The following BMPR1B variants were observed in gnomAD, a reference collection of about 807,000 sequenced individuals.
BMPR1B encodes the protein bone morphogenetic protein receptor type-1B.
BMPR1B carries 12 observed loss-of-function variants against 59.1 expected under a neutral mutation model. The ratio of observed to expected loss-of-function variants is 0.20; its 90% CI spans 0.13 to 0.33. The LOEUF (loss-of-function observed/expected upper bound fraction) is 0.33, where lower values mean the gene tolerates loss of function less well. Ranked by LOEUF, BMPR1B falls within the 10% of genes least tolerant of loss-of-function variation. BMPR1B has a pLI of 1.00. For synonymous variants in BMPR1B, 237 were observed against 207.3 expected, an observed-to-expected ratio of 1.14 and a Z score of -1.23; for missense variants, 550 against 610.9, an observed-to-expected ratio of 0.90 and a Z score of 1.05.
chr4:94,796,569 G>T (rs191562923), intron 1 of BMPR1B, among the ~76,000 whole-genome samples: 1 of 152,176 alleles, frequency 6.6e-6, no homozygotes, highest in East Asian at 1.9e-4. Flanking sequence ...GTTGAGTCAG[G>T]ATCAGGACTG....
chr4:95,092,334 G>A (rs541828198), intron 3 of BMPR1B, among the ~76,000 whole-genome samples: 6 of 152,044 alleles, frequency 3.9e-5, no homozygotes, highest in African/African-American at 1.2e-4. Flanking sequence ...TTTCTGTGAC[G>A]CACAACAGAT....
At chr4:94,766,897 G>T (rs1245045253) in intron 1 of BMPR1B, among the ~76,000 whole-genome samples, 1 of 151,974 alleles carries the variant, frequency 6.6e-6, no homozygotes, top group Non-Finnish European at 1.5e-5. Flanking sequence ...TCCTTACCAA[G>T]TTCTGTGGCC....
chr4:95,051,958 C>CT (rs1264286323), intron 3 of BMPR1B, among the ~76,000 whole-genome samples: 1 of 152,134 alleles, frequency 6.6e-6, no homozygotes, highest in Non-Finnish European at 1.5e-5. Flanking sequence ...TCTAAGTACT[C>CT]TGTTAGAATA....
At chr4:95,039,035 G>A (rs141748255) in intron 3 of BMPR1B, among the ~76,000 whole-genome samples, 101 of 152,270 alleles carry the variant, frequency 6.6e-4, no homozygotes, top group African/African-American at 2.1e-3. Context: ...CTGACTAACC[G>A]TAATAAGATG....
intron 2 of BMPR1B, among the ~76,000 whole-genome samples, chr4:94,887,579 T>C (rs1240754015): frequency 6.6e-6 from 1 of 151,208 alleles, no homozygotes; most frequent in Non-Finnish European, 1.5e-5. Context: ...ACTTGGTAAA[T>C]AAATACAAGA....
At chr4:94,808,448 A>C (rs1389416435) in intron 1 of BMPR1B, among the ~76,000 whole-genome samples, 3 of 152,138 alleles carry the variant, frequency 2.0e-5, no homozygotes, top group Admixed American at 6.6e-5. Flanking sequence ...ACAGTAAATT[A>C]CTCAGCCACT....
intron 3 of BMPR1B, among the ~76,000 whole-genome samples, chr4:95,019,789 A>G (rs997146166): frequency 2.0e-5 from 3 of 152,164 alleles, no homozygotes; most frequent in African/African-American, 7.2e-5. Context: ...GACTTGGTCC[A>G]TGTTCATTTT....
intron 2 of BMPR1B, among the ~76,000 whole-genome samples, chr4:94,888,830 C>T (rs184711621): frequency 1.1e-4 from 16 of 151,956 alleles, no homozygotes; most frequent in Non-Finnish European, 2.2e-4. Flanking sequence ...GTTAGAAATG[C>T]TATTAATGAT....
chr4:95,064,918 C>A (rs576371253), intron 3 of BMPR1B, among the ~76,000 whole-genome samples: 67 of 152,174 alleles, frequency 4.4e-4, no homozygotes, highest in Non-Finnish European at 8.1e-4. Context: ...TCATCTGTGG[C>A]TCCTGGGAAT....
At chr4:94,833,861 A>G (rs1359418077) in intron 1 of BMPR1B, among the ~76,000 whole-genome samples, 1 of 152,182 alleles carries the variant, frequency 6.6e-6, no homozygotes, top group Non-Finnish European at 1.5e-5. Context: ...TATTACACAT[A>G]TTAGGGTATT....
At chr4:94,827,962 T>C (rs181340066) in intron 1 of BMPR1B, among the ~76,000 whole-genome samples, 19 of 152,320 alleles carry the variant, frequency 1.2e-4, no homozygotes, top group Admixed American at 3.3e-4. Context: ...CAACTCATGC[T>C]AACACAGAGA....
At chr4:94,972,730 A>C (rs892763702) in intron 2 of BMPR1B, among the ~76,000 whole-genome samples, 1 of 152,158 alleles carries the variant, frequency 6.6e-6, no homozygotes, top group Non-Finnish European at 1.5e-5. Context: ...CTCTGGATAT[A>C]ACTGTTTCTG....
intron 3 of BMPR1B, among the ~76,000 whole-genome samples, chr4:95,041,276 C>T (rs904688290): frequency 7.9e-5 from 12 of 152,010 alleles, no homozygotes; most frequent in Admixed American, 2.0e-4. Context: ...CTTGAACTTC[C>T]GGGCTCAAGC....
intron 3 of BMPR1B, among the ~76,000 whole-genome samples, chr4:95,040,774 G>A (rs1725596090): frequency 6.6e-6 from 1 of 152,124 alleles, no homozygotes; most frequent in African/African-American, 2.4e-5. Flanking sequence ...TTCCTTACAA[G>A]CGGGACAAAT....
At chr4:95,099,011 C>T (rs773210725) in intron 3 of BMPR1B, among the ~76,000 whole-genome samples, 4 of 152,150 alleles carry the variant, frequency 2.6e-5, no homozygotes, top group Non-Finnish European at 4.4e-5. Context: ...CCACCGCACC[C>T]GGCCATCAAT....
chr4:94,924,162 T>C (rs75093274), intron 2 of BMPR1B, among the ~76,000 whole-genome samples: 9,037 of 152,208 alleles, frequency 0.059, 908 homozygotes, highest in African/African-American at 0.21. Context: ...TCTTCACTTT[T>C]TCTAGGACAA....
intron 2 of BMPR1B, among the ~76,000 whole-genome samples, chr4:94,979,730 GA>G (rs1731162379): frequency 6.6e-6 from 1 of 152,186 alleles, no homozygotes; most frequent in African/African-American, 2.4e-5. Flanking sequence ...AATGAATAGT[GA>G]AAACTTCATT....
chr4:94,866,644 G>A (rs543030844), intron 1 of BMPR1B, among the ~76,000 whole-genome samples: 12 of 152,108 alleles, frequency 7.9e-5, no homozygotes, highest in Admixed American at 3.9e-4. Flanking sequence ...GAGTGCAGTG[G>A]CATGATCTCG....
Position 94,770,182 on chromosome 4 carries a change from G to GTTTTTTTTTTTTTTTTTTTTTTTTTTTTT in BMPR1B, c.-183+12117_-183+12118insTTTTTTTTTTTTTTTTTTTTTTTTTTTTT. ...TGTTTGAATTGTCCTTCGTTTCTGT[G>GTTTTTTTTTTTTTTTTTTTTTTTTTTTTT]TTTGTTTTTTTTTTTTTTTTTTGCG... On this transcript the variant is annotated intron_variant, in intron 1 of 12. Transcript: ENST00000515059. 9.5e-3 allele frequency among the ~76,000 whole-genome samples: 378 copies of GTTTTTTTTTTTTTTTTTTTTTTTTTTTTT among 39,874 alleles called. 51 individuals carry two copies. Among genetic ancestry groups the GTTTTTTTTTTTTTTTTTTTTTTTTTTTTT allele is most frequent in the Middle Eastern group, 0.017 (1 of 60 alleles). The allele number at this position is 39,874 out of a possible 152,430, so 26.2% of individuals were successfully genotyped here. A position where few individuals can be genotyped will look rare whatever the true frequency, so the allele number is the denominator to read the frequency against.
Sources: allele counts gnomAD v4.1 joint callset (sites outside exome capture counted in the v4.1 genomes callset), GRCh38; gene constraint gnomAD v4.1.1; transcripts MANE v1.5; gene names NCBI Gene and HGNC (gene_info 2026-07-23, HGNC 2026-07-21).